The following SCN2A variants were observed in gnomAD, a reference collection of about 807,000 sequenced individuals.
The protein encoded by SCN2A is sodium voltage-gated channel alpha subunit 2, also known as sodium channel protein type 2 subunit alpha.
A neutral mutation model predicts 188.7 loss-of-function variants in SCN2A; 20 were observed. The observed-to-expected ratio is 0.11, with a 90% CI of 0.07 to 0.15. The LOEUF (loss-of-function observed/expected upper bound fraction) is 0.15. SCN2A is among the 10% of genes least tolerant of loss of function. The pLI is 1.00. For missense variants in SCN2A, 1,278 were observed against 2,445.0 expected (o/e 0.52, Z 10.07); for synonymous variants, 804 against 833.1 (o/e 0.97, Z 0.60).
intron 20 of SCN2A, chr2:165,372,210 G>C (rs931169091): frequency 6.6e-6 from 1 of 152,180 alleles, no homozygotes; most frequent in Admixed American, 6.5e-5. Flanking sequence ...GATTTTAAGG[G>C]AACTATATGA....
chr2:165,262,066 T>C (rs551850740), intron 1 of SCN2A, among the ~76,000 whole-genome samples: 1 of 152,330 alleles, frequency 6.6e-6, no homozygotes, highest in Admixed American at 6.5e-5. Flanking sequence ...GTCTGGATGT[T>C]TCACTTCTGT....
At position 165,239,667 on chromosome 2, in the gene SCN2A, C is replaced by T. The variant is rs911088583; in HGVS notation, c.-52+27C>T. 5.2e-6 allele frequency: 5 copies of T among 958,104 alleles called. No individual in the cohort carries two copies. In the East Asian group the frequency reaches 3.5e-4, roughly 66 times the overall value. 59.4% of individuals were successfully genotyped at this position (958,104 alleles called of 1,614,324 possible). ...TAAGCCAGCATGATTCTATTTTTGACTTATCCACGGATTGTTATCTATGTT... is the reference window on the plus strand; with the variant it reads ...TAAGCCAGCATGATTCTATTTTTGATTTATCCACGGATTGTTATCTATGTT... On this transcript the variant is annotated intron_variant, in intron 1 of 26. Coordinates refer to ENST00000375437, the MANE Select transcript of SCN2A (RefSeq NM_001040142.2).
intron 1 of SCN2A, among the ~76,000 whole-genome samples, chr2:165,277,620 T>A (rs1205219908): frequency 6.6e-6 from 1 of 152,236 alleles, no homozygotes; most frequent in Non-Finnish European, 1.5e-5. Context: ...AGTTGAGTTT[T>A]GCATATGTTT....
At chr2:165,240,659 C>CTGTGTGTGTGTGTGTGTGTGTGTGTG (rs35247335) in intron 1 of SCN2A, among the ~76,000 whole-genome samples, 3 of 136,382 alleles carry the variant, frequency 2.2e-5, no homozygotes, top group Admixed American at 7.5e-5. Context: ...GTGGAAAGAG[C>CTGTGTGTGTGTGTGTGTGTGTGTGTG]TGTGTGTGTG....
At chr2:165,319,166 C>A (rs1697936397) in intron 11 of SCN2A, among the ~76,000 whole-genome samples, 2 of 152,008 alleles carry the variant, frequency 1.3e-5, no homozygotes, top group Admixed American at 6.5e-5. Context: ...GAAACCCCAT[C>A]TCTACTAAAA....
chr2:165,294,812 A>AAAATCTATT (rs1323293869), intron 1 of SCN2A, among the ~76,000 whole-genome samples: 1 of 152,174 alleles, frequency 6.6e-6, no homozygotes, highest in Non-Finnish European at 1.5e-5. Flanking sequence ...AATACCAGTA[A>AAAATCTATT]AAATCTATTT....
At chr2:165,319,943 A>G (rs1341227837) in intron 11 of SCN2A, among the ~76,000 whole-genome samples, 1 of 152,200 alleles carries the variant, frequency 6.6e-6, no homozygotes, top group Non-Finnish European at 1.5e-5. Context: ...TGCCTTCCCA[A>G]CAGTCCCCCA....
rs778466020 is a variant in SCN2A at position 165,370,083 on chromosome 2, CT to C, written c.3676-42del. 1.4e-5 allele frequency: 21 copies of C among 1,539,096 alleles called. No individual in the cohort carries two copies. In the Admixed American group the frequency reaches 3.0e-4, roughly 22 times the overall value. On this transcript the variant is annotated intron_variant, in intron 19 of 26. Transcript: ENST00000375437. Reference sequence around the variant, plus strand: ...TTTTTAAGAAATCATCAATTAGAGACTGTTTCTGATCATAAAATTTAATAGA... The same window carrying C: ...TTTTTAAGAAATCATCAATTAGAGACGTTTCTGATCATAAAATTTAATAGA...
chr2:165,328,644 C>A (rs1283208477), intron 13 of SCN2A: 1 of 305,656 alleles, frequency 3.3e-6, no homozygotes, highest in Non-Finnish European at 4.8e-6. Context: ...TTGGACTTGC[C>A]AACTAATTAA....
chr2:165,270,438 A>T (rs1157153754), intron 1 of SCN2A: 1 of 152,072 alleles, frequency 6.6e-6, no homozygotes, highest in East Asian at 1.9e-4. Context: ...TAACATTGAT[A>T]ATTTATAATA....
At chr2:165,243,252 T>G (rs1189716444) in intron 1 of SCN2A, among the ~76,000 whole-genome samples, 3 of 152,186 alleles carry the variant, frequency 2.0e-5, no homozygotes, top group Non-Finnish European at 4.4e-5. Context: ...TTCAAGTTCT[T>G]TCCTTTTTTG....
chr2:165,248,209 C>T (rs924462532), intron 1 of SCN2A, among the ~76,000 whole-genome samples: 6 of 152,252 alleles, frequency 3.9e-5, no homozygotes, highest in East Asian at 1.9e-4. Flanking sequence ...AGTAAGATTA[C>T]GCCACATCCC....
intron 7 of SCN2A, 46 bp downstream of exon 7, chr2:165,310,641 A>G: frequency 7.5e-7 from 1 of 1,326,510 alleles, no homozygotes; most frequent in Non-Finnish European, 1.0e-6. Context: ...TTCTCTAAAT[A>G]TTAAATATTA....
At chr2:165,319,397 A>C (rs1263998795) in intron 11 of SCN2A, among the ~76,000 whole-genome samples, 1 of 152,246 alleles carries the variant, frequency 6.6e-6, no homozygotes, top group Non-Finnish European at 1.5e-5. Flanking sequence ...ATAGAATCAC[A>C]TAAGATAGTG....
chr2:165,300,331 A>C (rs1048742255), intron 3 of SCN2A, among the ~76,000 whole-genome samples: 4 of 152,164 alleles, frequency 2.6e-5, no homozygotes, highest in Non-Finnish European at 5.9e-5. Flanking sequence ...ACATTGAACA[A>C]AGTGAAGTTC....
Position 165,312,005 on chromosome 2 carries a change from A to G in SCN2A, c.971-20A>G, listed in dbSNP as rs1697461435. The G allele has an allele frequency of 5.1e-6, 8 of 1,582,940 alleles. No homozygotes were observed. Among genetic ancestry groups the G allele is most frequent in the Non-Finnish European group, 6.9e-6 (8 of 1,153,310 alleles). ...TTACAGGATTTTAATGATTCTTTCT[A>G]TTCCTTTCTCTTTAAATAGGTCACT... On this transcript the variant is annotated intron_variant, in intron 7 of 26. Coordinates refer to ENST00000375437, the MANE Select transcript of SCN2A (RefSeq NM_001040142.2).
At chr2:165,263,159 T>A (rs1226032835) in intron 1 of SCN2A, among the ~76,000 whole-genome samples, 1 of 152,342 alleles carries the variant, frequency 6.6e-6, no homozygotes, top group East Asian at 1.9e-4. Context: ...GTCAGATGTA[T>A]AGATTGTGAA....
intron 1 of SCN2A, among the ~76,000 whole-genome samples, chr2:165,258,176 C>A (rs1433627366): frequency 6.6e-6 from 1 of 152,058 alleles, no homozygotes; most frequent in African/African-American, 2.4e-5. Flanking sequence ...TTAATTACAT[C>A]CTATTTGTCA....
chr2:165,252,265 A>C (rs1694129466), intron 1 of SCN2A, among the ~76,000 whole-genome samples: 1 of 152,086 alleles, frequency 6.6e-6, no homozygotes, highest in Non-Finnish European at 1.5e-5. Flanking sequence ...TAAGCATCTT[A>C]ATACTTTGGA....
Sources: allele counts gnomAD v4.1 joint callset (sites outside exome capture counted in the v4.1 genomes callset), GRCh38; gene constraint gnomAD v4.1.1; transcripts MANE v1.5; gene names NCBI Gene and HGNC (gene_info 2026-07-23, HGNC 2026-07-21).